The following PHACTR1 variants were observed in gnomAD, a reference collection of about 807,000 sequenced individuals.
PHACTR1 encodes RPEL repeat containing 1.
In PHACTR1, 16 loss-of-function variants were observed where a neutral mutation model predicts 69.2. That is an observed-to-expected ratio of 0.23 (90% confidence interval 0.16 to 0.35). The LOEUF (loss-of-function observed/expected upper bound fraction) is 0.35. Among genes scored for constraint, PHACTR1 ranks in the 10% least tolerant of loss-of-function variants. The probability of loss-of-function intolerance (pLI) is 1.00; values close to 1 mark genes in which losing one functional copy is unlikely to be tolerated. For missense variants in PHACTR1, 510 were observed against 734.7 expected, an observed-to-expected ratio of 0.69 and a Z score of 3.54; for synonymous variants, 312 against 284.5, an observed-to-expected ratio of 1.10 and a Z score of -0.97.
chr6:12,859,187 G>A (rs1277719336), intron 4 of PHACTR1, among the ~76,000 whole-genome samples: 3 of 152,168 alleles, frequency 2.0e-5, no homozygotes, highest in African/African-American at 7.2e-5. Context: ...CAAGAAACAA[G>A]GGTAAGCCAA....
chr6:12,984,765 C>T (rs530885636), intron 4 of PHACTR1, among the ~76,000 whole-genome samples: 5 of 130,560 alleles, frequency 3.8e-5, no homozygotes, highest in Admixed American at 7.2e-5. Context: ...CTCCCCCAAC[C>T]GAGCAGTTTG....
chr6:12,826,805 A>G (rs1392877749), intron 4 of PHACTR1, among the ~76,000 whole-genome samples: 1 of 152,222 alleles, frequency 6.6e-6, no homozygotes, highest in Non-Finnish European at 1.5e-5. Context: ...ATGAAGATCA[A>G]GCAGGGATTT....
intron 7 of PHACTR1, among the ~76,000 whole-genome samples, chr6:13,195,619 G>A (rs1267714498): frequency 2.0e-5 from 3 of 151,854 alleles, no homozygotes; most frequent in Non-Finnish European, 4.4e-5. Flanking sequence ...TTAGCTGGGC[G>A]TTGTGGCGAG....
intron 4 of PHACTR1, among the ~76,000 whole-genome samples, chr6:12,861,602 G>A (rs1387941298): frequency 6.6e-6 from 1 of 152,216 alleles, no homozygotes. Context: ...GCTCTGTGCT[G>A]TAAGTAAAGG....
chr6:13,053,445 A>G lies in PHACTR1; in HGVS notation c.331A>G (p.Ser111Gly). 2.5e-6 allele frequency: 4 copies of G among 1,613,942 alleles called. No individual in the cohort carries two copies. Among genetic ancestry groups the G allele is most frequent in the Non-Finnish European group, 3.4e-6 (4 of 1,179,870 alleles). Residue 111 changes from serine to glycine, a missense_variant, in exon 5 of 15, where the codon AGT becomes GGT. Ser to Gly is a moderately conservative substitution (Grantham distance 56). Around this residue, in one of 2 missense-constraint regions of PHACTR1, gnomAD observed 419 missense variants for 530.9 expected, o/e 0.79. Coordinates refer to ENST00000332995, the MANE Select transcript of PHACTR1 (RefSeq NM_030948.6). ...GTHTPPIRRRSKFANLGRIFK... is the reference protein window; with the variant it reads ...GTHTPPIRRRGKFANLGRIFK... The stretch of plus-strand genomic sequence containing the variant: ...CCACACCCCACCCATCCGCAGGAGA[A>G]GTAAGTTTGCCAACCTGGGAAGGAT...
At chr6:12,770,919 A>G (rs1322757507) in intron 4 of PHACTR1, among the ~76,000 whole-genome samples, 1 of 152,200 alleles carries the variant, frequency 6.6e-6, no homozygotes, top group Non-Finnish European at 1.5e-5. Context: ...GGAAAGGCAG[A>G]GGAGAGAGTG....
intron 4 of PHACTR1, among the ~76,000 whole-genome samples, chr6:12,913,248 G>A (rs1048598939): frequency 5.3e-5 from 8 of 152,248 alleles, no homozygotes; most frequent in Non-Finnish European, 8.8e-5. Context: ...TGACTAGCCT[G>A]TGAGGCTAGG....
At chr6:13,212,720 G>A (rs1243884376) in intron 8 of PHACTR1, among the ~76,000 whole-genome samples, 1 of 151,954 alleles carries the variant, frequency 6.6e-6, no homozygotes, top group Non-Finnish European at 1.5e-5. Context: ...GCACATTCTC[G>A]GACATTCTCG....
At chr6:13,073,850 T>C (rs915186292) in intron 5 of PHACTR1, among the ~76,000 whole-genome samples, 5 of 151,470 alleles carry the variant, frequency 3.3e-5, no homozygotes, top group African/African-American at 9.7e-5. Flanking sequence ...AGCAGGGAAG[T>C]AGTAGAGTTC....
At chr6:12,825,768 C>T (rs1776735299) in intron 4 of PHACTR1, among the ~76,000 whole-genome samples, 1 of 152,138 alleles carries the variant, frequency 6.6e-6, no homozygotes, top group Non-Finnish European at 1.5e-5. Flanking sequence ...CTCTGCAGGT[C>T]TGGTTGTCTC....
intron 7 of PHACTR1, among the ~76,000 whole-genome samples, chr6:13,200,955 A>G (rs1050646068): frequency 1.3e-5 from 2 of 151,940 alleles, no homozygotes; most frequent in African/African-American, 2.4e-5. Flanking sequence ...AAAAAAAAAA[A>G]AAAGAAAAAA....
chr6:12,772,903 T>C (rs1389215739), intron 4 of PHACTR1, among the ~76,000 whole-genome samples: 2 of 152,200 alleles, frequency 1.3e-5, no homozygotes, highest in Non-Finnish European at 2.9e-5. Context: ...TTAGAAGTGA[T>C]TACAGATCAT....
At position 12,979,427 on chromosome 6, in the gene PHACTR1, A is replaced by G. The variant is rs536229164; in HGVS notation, c.251-73938A>G. On this transcript the variant is annotated intron_variant, in intron 4 of 14. Coordinates refer to ENST00000332995, the MANE Select transcript of PHACTR1 (RefSeq NM_030948.6). ...AGGAGTTCACAGTGCACATGTAGCT[A>G]TGAGAGAATAGTTGGCGAGGTCCAG... Among the ~76,000 whole-genome samples, 4 of 152,268 alleles carry G rather than the reference A, an allele frequency of 2.6e-5. 1 individual carries two copies. Among genetic ancestry groups the G allele is most frequent in the Admixed American group, 2.6e-4 (4 of 15,288 alleles).
At chr6:12,887,003 G>GCTC (rs990768992) in intron 4 of PHACTR1, among the ~76,000 whole-genome samples, 1 of 152,020 alleles carries the variant, frequency 6.6e-6, no homozygotes, top group Admixed American at 6.5e-5. Flanking sequence ...TGATAAAATG[G>GCTC]CTCCTCCTCC....
At chr6:12,729,122 T>C (rs1423008553) in intron 3 of PHACTR1, among the ~76,000 whole-genome samples, 1 of 152,152 alleles carries the variant, frequency 6.6e-6, no homozygotes, top group Non-Finnish European at 1.5e-5. Context: ...ACCCGCCCCA[T>C]CACTTCTTTT....
chr6:13,072,542 C>T (rs1254742402), intron 5 of PHACTR1, among the ~76,000 whole-genome samples: 1 of 151,892 alleles, frequency 6.6e-6, no homozygotes, highest in African/African-American at 2.4e-5. Context: ...TCTAATTTTA[C>T]CTCTCTCTTT....
At chr6:13,205,618 A>G (rs1765790187) in intron 7 of PHACTR1, among the ~76,000 whole-genome samples, 197 bp from the exon 8 acceptor site, 1 of 152,196 alleles carries the variant, frequency 6.6e-6, no homozygotes, top group Admixed American at 6.5e-5. Flanking sequence ...GGCCAGTGCA[A>G]GTGCACTTGG....
At chr6:13,013,974 G>T (rs1254017482) in intron 4 of PHACTR1, among the ~76,000 whole-genome samples, 2 of 151,742 alleles carry the variant, frequency 1.3e-5, no homozygotes, top group Non-Finnish European at 1.5e-5. Context: ...AGGCGCGAGC[G>T]CCGAGAAACC....
intron 4 of PHACTR1, among the ~76,000 whole-genome samples, chr6:12,945,073 G>C (rs1223192227): frequency 2.0e-5 from 3 of 151,770 alleles, no homozygotes; most frequent in African/African-American, 7.3e-5. Flanking sequence ...TGAGAGTTAA[G>C]ATTTCTTTTA....
Sources: gnomAD v4.1 joint callset for allele counts (sites outside exome capture counted in the v4.1 genomes callset) on GRCh38, gnomAD v4.1.1 for gene constraint, gnomAD v4.1.1 regional missense constraint, MANE v1.5 for transcripts, NCBI Gene and HGNC (gene_info 2026-07-23, HGNC 2026-07-21) for gene names.